The following RAB21 variants were observed in gnomAD, a reference collection of about 807,000 sequenced individuals.
The protein encoded by RAB21 is ras-related protein Rab-21.
In RAB21, 13 loss-of-function variants were observed where a neutral mutation model predicts 33.1. That is an observed-to-expected ratio of 0.39 (90% CI 0.26 to 0.62). RAB21 has a LOEUF of 0.62. RAB21 is among the 20% of genes least tolerant of loss of function. The probability of loss-of-function intolerance (pLI) is 0.48; values close to 1 mark genes in which losing one functional copy is unlikely to be tolerated. For missense variants in RAB21, 234 were observed against 279.1 expected (o/e 0.84, Z 1.15); for synonymous variants, 91 against 103.7 (o/e 0.88, Z 0.74).
At chr12:71,760,829 A>G (rs1208063544) in intron 1 of RAB21, among the ~76,000 whole-genome samples, 2 of 152,000 alleles carry the variant, frequency 1.3e-5, no homozygotes, top group Admixed American at 6.6e-5. Context: ...AGTCTAGGAT[A>G]GGTGTCTGGG....
rs1039685097 is a variant in RAB21, at chr12:71,786,599, A to G, written c.*926A>G. 2.6e-5 allele frequency: 4 copies of G among 152,682 alleles called. No homozygotes were observed. The allele number at this position is 152,682 out of a possible 1,614,324, so 9.5% of individuals were successfully genotyped here. On this transcript the variant is annotated 3_prime_UTR_variant, in exon 7 of 7. Transcript: ENST00000261263. ...TTTTACAAGCGCAAGGTGCAAAAAT[A>G]TATACAATAGTCTCATTGATGACTG...
At position 71,785,889 on chromosome 12, in the gene RAB21, G is replaced by T. The variant is rs12320799; in HGVS notation, c.*216G>T. On this transcript the variant is annotated 3_prime_UTR_variant, in exon 7 of 7. Coordinates refer to ENST00000261263, the MANE Select transcript of RAB21 (RefSeq NM_014999.4). ...GCATTTTCTACAAATGTTTTTTTTT[G>T]TTTTTTTTTTGTTTTTTTTTGTTTT... 8.9e-4 allele frequency: 364 copies of T among 410,802 alleles called. No individual in the cohort carries two copies. Among genetic ancestry groups the T allele is most frequent in the South Asian group, 1.6e-3 (34 of 21,576 alleles). The allele number at this position is 410,802 out of a possible 1,614,324, so 25.4% of individuals were successfully genotyped here.
In RAB21 at chr12:71,800,196, A is replaced by T. The variant is rs1341612021; in HGVS notation, c.*14523A>T. The T allele has an allele frequency of 6.6e-6, 1 of 152,096 alleles. No homozygotes were observed. Among genetic ancestry groups the T allele is most frequent in the Admixed American group, 6.6e-5 (1 of 15,266 alleles). 9.4% of individuals were successfully genotyped at this position (152,096 alleles called of 1,614,324 possible). ...CAAAATTTCCTTACACTTTCTTGTA[A>T]TCCCTTCTCCCTCCCATTCCTGCTT... is the stretch of plus-strand genomic sequence containing the variant. On this transcript the variant is annotated 3_prime_UTR_variant, in exon 7 of 7. Transcript: ENST00000261263.
rs12300995 is a variant in RAB21, at chr12:71,785,899, T to G, written c.*226T>G. ...CAAATGTTTTTTTTTGTTTTTTTTT[T>G]GTTTTTTTTTGTTTTTTTTTGAGAC... On this transcript the variant is annotated 3_prime_UTR_variant, in exon 7 of 7. Transcript: ENST00000261263. 55 of 427,782 alleles carry G rather than the reference T, an allele frequency of 1.3e-4. No individual in the cohort carries two copies. Among genetic ancestry groups the G allele is most frequent in the South Asian group, 2.0e-4 (6 of 29,292 alleles). 26.5% of individuals were successfully genotyped at this position (427,782 alleles called of 1,614,324 possible).
Position 71,799,258 on chromosome 12 carries a change from C to T in RAB21, c.*13585C>T, listed in dbSNP as rs905913652. ...CCCCCAGTGAATCATGTTTGTGTCA[C>T]TGTGGGATTCATTCCCATAGGCTCA... On this transcript the variant is annotated 3_prime_UTR_variant, in exon 7 of 7. Transcript: ENST00000261263. 1 of 152,212 alleles carries T rather than the reference C, an allele frequency of 6.6e-6. No homozygotes were observed. The highest frequency in any genetic ancestry group is 2.4e-5 in the African/African-American group (1 of 41,458). The allele number at this position is 152,212 out of a possible 1,614,324, so 9.4% of individuals were successfully genotyped here. A position where few individuals can be genotyped will look rare whatever the true frequency, so the allele number is the denominator to read the frequency against.
chr12:71,755,540 G>C (rs1046944680), intron 1 of RAB21, among the ~76,000 whole-genome samples: 8 of 152,212 alleles, frequency 5.3e-5, no homozygotes, highest in African/African-American at 1.9e-4. Context: ...TGGTGGCTGC[G>C]CACGTTGTGG....
In RAB21 at chr12:71,779,170, AC is replaced by A. The variant is rs545965444; in HGVS notation, c.392-2860del. The stretch of plus-strand genomic sequence containing the variant: ...GGTTAACTAATTTGTCCAAAATATT[AC>A]AGTTATGGCCAGGCGTGGTGACTCT... On this transcript the variant is annotated intron_variant, in intron 4 of 6. Coordinates refer to ENST00000261263, the MANE Select transcript of RAB21 (RefSeq NM_014999.4). Among the ~76,000 whole-genome samples the A allele has an allele frequency of 7.2e-4, 109 of 152,288 alleles. 1 individual carries two copies. The highest frequency in any genetic ancestry group is 3.4e-3 in the Middle Eastern group (1 of 294).
intron 4 of RAB21, among the ~76,000 whole-genome samples, chr12:71,781,313 C>T (rs928256463): frequency 8.6e-5 from 13 of 151,592 alleles, no homozygotes; most frequent in Non-Finnish European, 1.3e-4. Context: ...ACTAAAAATA[C>T]AAAAAATTAG....
chr12:71,785,760 AT>A lies in RAB21; in HGVS notation c.*91del. The A allele has an allele frequency of 6.9e-7, 1 of 1,447,210 alleles. No homozygotes were observed. Among genetic ancestry groups the A allele is most frequent in the African/African-American group, 1.4e-5 (1 of 70,736 alleles). 89.6% of individuals were successfully genotyped at this position (1,447,210 alleles called of 1,614,324 possible). ...AGACTGCCATATTCCAAGTCACATT[AT>A]TTTACCAATGGAATTATAGAATTAA... is the stretch of plus-strand genomic sequence containing the variant. On this transcript the variant is annotated 3_prime_UTR_variant, in exon 7 of 7. Coordinates refer to ENST00000261263, the MANE Select transcript of RAB21 (RefSeq NM_014999.4).
At position 71,770,573 on chromosome 12, in the gene RAB21, C is replaced by G; in HGVS notation, c.220-19C>G. ...TGTATTTTTCTTCTGATCTAATAAG[C>G]ATTTGTTGCTTTCTTTAGGATACGG... On this transcript the variant is annotated intron_variant, in intron 2 of 6. Transcript: ENST00000261263. 6.8e-7 allele frequency: 1 copy of G among 1,472,340 alleles called. No individual in the cohort carries two copies. The highest frequency in any genetic ancestry group is 9.5e-7 in the Non-Finnish European group (1 of 1,052,274). 91.2% of individuals were successfully genotyped at this position (1,472,340 alleles called of 1,614,324 possible).
intron 1 of RAB21, among the ~76,000 whole-genome samples, chr12:71,758,699 A>G (rs1882826334): frequency 6.6e-6 from 1 of 151,532 alleles, no homozygotes; most frequent in African/African-American, 2.4e-5. Flanking sequence ...AGGCTGTTGT[A>G]GAACTCTGAG....
Position 71,789,121 on chromosome 12 carries a change from A to G in RAB21, c.*3448A>G, listed in dbSNP as rs1883340636. On this transcript the variant is annotated 3_prime_UTR_variant, in exon 7 of 7. Transcript: ENST00000261263. ...AGTAGTGAAAGATAAAATTGGAAAA[A>G]TAGGGAAAGAGCATAGGGAGGAATA... The G allele has an allele frequency of 6.6e-6, 1 of 152,044 alleles. No individual in the cohort carries two copies. The highest frequency in any genetic ancestry group is 1.5e-5 in the Non-Finnish European group (1 of 67,952). The allele number at this position is 152,044 out of a possible 1,614,324, so 9.4% of individuals were successfully genotyped here.
At chr12:71,772,975 G>C (rs1477763964) in intron 3 of RAB21, among the ~76,000 whole-genome samples, 1 of 152,182 alleles carries the variant, frequency 6.6e-6, no homozygotes, top group Admixed American at 6.5e-5. Context: ...CAGATGCACA[G>C]TAAGTGGTTA....
At chr12:71,760,212 T>C (rs1340469400) in intron 1 of RAB21, among the ~76,000 whole-genome samples, 2 of 151,650 alleles carry the variant, frequency 1.3e-5, no homozygotes, top group Non-Finnish European at 2.9e-5. Context: ...ATTCTAGTGT[T>C]TTCACTGAGA....
intron 3 of RAB21, among the ~76,000 whole-genome samples, chr12:71,772,135 G>T (rs557628648): frequency 1.3e-5 from 2 of 152,254 alleles, no homozygotes; most frequent in African/African-American, 4.8e-5. Context: ...GATGTCACTG[G>T]AGTCACTCAT....
rs184690521 is a variant in RAB21, at chr12:71,786,554, A to G, written c.*881A>G. ...GCTGGTAAAATACATTGTAAATTAC[A>G]TATTAAATATTTTATCTGCTTTTAC... is the stretch of plus-strand genomic sequence containing the variant. On this transcript the variant is annotated 3_prime_UTR_variant, in exon 7 of 7. Coordinates refer to ENST00000261263, the MANE Select transcript of RAB21 (RefSeq NM_014999.4). The G allele has an allele frequency of 3.3e-5, 5 of 152,770 alleles. No homozygotes were observed. Among genetic ancestry groups the G allele is most frequent in the East Asian group, 1.9e-4 (1 of 5,182 alleles). The allele number at this position is 152,770 out of a possible 1,614,324, so 9.5% of individuals were successfully genotyped here. A position where few individuals can be genotyped will look rare whatever the true frequency, so the allele number is the denominator to read the frequency against.
intron 6 of RAB21, among the ~76,000 whole-genome samples, chr12:71,783,690 A>G (rs959175617): frequency 2.6e-5 from 4 of 152,208 alleles, no homozygotes; most frequent in Admixed American, 6.5e-5. Context: ...TATGATTCCA[A>G]TGCACACTAA....
At chr12:71,775,385 G>T (rs531233866) in intron 4 of RAB21, among the ~76,000 whole-genome samples, 1 of 152,348 alleles carries the variant, frequency 6.6e-6, no homozygotes, top group Non-Finnish European at 1.5e-5. Flanking sequence ...ATAGCCTCAT[G>T]CTGTTTTCTC....
Position 71,782,585 on chromosome 12 carries a change from G to A in RAB21, c.462G>A (p.Val154=). The A allele has an allele frequency of 6.3e-7, 1 of 1,594,634 alleles. No individual in the cohort carries two copies. Among genetic ancestry groups the A allele is most frequent in the Non-Finnish European group, 8.6e-7 (1 of 1,168,710 alleles). The part of the protein sequence containing the change: ...IQEAESYAES[V]GAKHYHTSAK... ...TTTTTTTAAGGTATGCAGAATCTGT[G>A]GGAGCAAAACATTATCATACTTCAG... The change falls in exon 6 of 7, where the codon GTG becomes GTA. Residue 154 remains valine (V), a synonymous_variant. Coordinates refer to ENST00000261263, the MANE Select transcript of RAB21 (RefSeq NM_014999.4).
Sources: allele counts gnomAD v4.1 joint callset (sites outside exome capture counted in the v4.1 genomes callset), GRCh38; gene constraint gnomAD v4.1.1; transcripts MANE v1.5; gene names NCBI Gene and HGNC (gene_info 2026-07-23, HGNC 2026-07-21).